The following OSBPL5 variants were observed in gnomAD, a reference collection of about 807,000 sequenced individuals.
The protein encoded by OSBPL5 is oxysterol-binding protein-related protein 5.
Under a neutral mutation model 111.2 loss-of-function variants are expected in OSBPL5, and 71 were observed. The ratio of observed to expected loss-of-function variants is 0.64; its 90% confidence interval spans 0.53 to 0.78. The LOEUF (loss-of-function observed/expected upper bound fraction) is 0.78. Ranked by LOEUF, OSBPL5 falls within the 30% of genes least tolerant of loss-of-function variation. OSBPL5 has a pLI of 0.00. For synonymous variants in OSBPL5, 549 were observed against 513.9 expected (o/e 1.07, Z -0.93); for missense variants, 1,210 against 1,189.3 (o/e 1.02, Z -0.26).
chr11:3,095,310 CAAAA>C (rs60973769), intron 14 of OSBPL5, among the ~76,000 whole-genome samples: 6 of 105,680 alleles, frequency 5.7e-5, no homozygotes, highest in Admixed American at 1.0e-4. Context: ...GACTCTGTCT[CAAAA>C]AAAAAAAAAA....
intron 7 of OSBPL5, among the ~76,000 whole-genome samples, chr11:3,111,611 G>C (rs1422519830): frequency 6.6e-6 from 1 of 152,130 alleles, no homozygotes; most frequent in East Asian, 1.9e-4. Flanking sequence ...TATCTGGCTT[G>C]ATCAAATCTG....
chr11:3,144,912 C>T (rs898199285), intron 1 of OSBPL5, among the ~76,000 whole-genome samples: 1 of 152,244 alleles, frequency 6.6e-6, no homozygotes, highest in Non-Finnish European at 1.5e-5. Context: ...TGTACAGACC[C>T]GGATTCCAAG....
At position 3,154,448 on chromosome 11, in the gene OSBPL5, C is replaced by CG. The variant is rs1031841139; in HGVS notation, c.-22+10767dup. Among the ~76,000 whole-genome samples, 6 of 152,206 alleles carry CG rather than the reference C, an allele frequency of 3.9e-5. No individual in the cohort carries two copies. Among genetic ancestry groups the CG allele is most frequent in the Non-Finnish European group, 7.3e-5 (5 of 68,034 alleles). Reference sequence around the variant, plus strand: ...GCCTGCTGACGCTTCGTTCACCAAGCGGGGGGCCTCTACAGCTCGCCCAGG... The same window carrying CG: ...GCCTGCTGACGCTTCGTTCACCAAGCGGGGGGGCCTCTACAGCTCGCCCAGG... On this transcript the variant is annotated intron_variant, in intron 1 of 21. Coordinates refer to ENST00000263650, the MANE Select transcript of OSBPL5 (RefSeq NM_020896.4). The surrounding 1 kb of genome is among the most constrained non-coding windows in gnomAD (Gnocchi z 4.9).
intron 14 of OSBPL5, among the ~76,000 whole-genome samples, chr11:3,098,694 G>T: frequency 6.6e-6 from 1 of 151,684 alleles, no homozygotes; most frequent in African/African-American, 2.4e-5. Flanking sequence ...TATTAGAGAC[G>T]GAGATTCTCC....
chr11:3,112,063 A>G (rs7483448), intron 7 of OSBPL5, among the ~76,000 whole-genome samples: 2,598 of 26,766 alleles, frequency 0.097, 73 homozygotes, highest in African/African-American at 0.25. Context: ...GTGCATGTGT[A>G]TGTGTGTGTG....
chr11:3,125,816 A>C (rs1329616249), intron 3 of OSBPL5, among the ~76,000 whole-genome samples: 1 of 148,394 alleles, frequency 6.7e-6, no homozygotes, highest in East Asian at 2.0e-4. Context: ...AAAAAAAAAA[A>C]AAAAAAATAC....
In OSBPL5 at chr11:3,122,433, A is replaced by G. The variant is rs1308382675; in HGVS notation, c.220-5T>C. 7.4e-6 allele frequency: 12 copies of G among 1,613,292 alleles called. No individual in the cohort carries two copies. In the East Asian group the frequency reaches 2.7e-4, roughly 36 times the overall value. On this transcript the variant is annotated splice_region_variant and splice_polypyrimidine_tract_variant and intron_variant, in intron 3 of 21. Coordinates refer to ENST00000263650, the MANE Select transcript of OSBPL5 (RefSeq NM_020896.4). Reference sequence around the variant, plus strand: ...GTTGCACAGCCTGTACTCTGCCTGAAAGAGAGAGGTGGGTATGCGGGACAG... The same window carrying G: ...GTTGCACAGCCTGTACTCTGCCTGAGAGAGAGAGGTGGGTATGCGGGACAG...
At position 3,162,370 on chromosome 11, in the gene OSBPL5, CT is replaced by C. The variant is rs1462301121; in HGVS notation, c.-22+2845del. On this transcript the variant is annotated intron_variant, in intron 1 of 21. Transcript: ENST00000263650. This position sits in a 1 kb window ranked among gnomAD's most constrained non-coding sequence, Gnocchi z 8.1. ...AAGGCCCTCTAGGAATTCTGGATCC[CT>C]CTAAGCCAGCCAAGAAGGCTCATGT... Among the ~76,000 whole-genome samples, 5 of 152,032 alleles carry C rather than the reference CT, an allele frequency of 3.3e-5. No homozygotes were observed. Among genetic ancestry groups the C allele is most frequent in the Admixed American group, 2.0e-4 (3 of 15,270 alleles).
intron 7 of OSBPL5, among the ~76,000 whole-genome samples, 176 bp downstream of exon 7, chr11:3,119,371 G>C (rs1487725855): frequency 6.6e-6 from 1 of 152,212 alleles, no homozygotes; most frequent in African/African-American, 2.4e-5. Context: ...CTAGGCATGG[G>C]GGCTCTGTGA....
intron 1 of OSBPL5, among the ~76,000 whole-genome samples, chr11:3,139,325 G>A (rs912219967): frequency 1.3e-5 from 2 of 152,200 alleles, no homozygotes; most frequent in African/African-American, 4.8e-5. Flanking sequence ...CAAGCCTGCT[G>A]GGGTCTGCCA....
chr11:3,124,940 G>C (rs1028472074), intron 3 of OSBPL5, among the ~76,000 whole-genome samples: 2 of 152,190 alleles, frequency 1.3e-5, no homozygotes, highest in Non-Finnish European at 2.9e-5. Flanking sequence ...AGAGAGGCAA[G>C]ACCGCATGGC....
At chr11:3,160,594 C>T (rs1846930106) in intron 1 of OSBPL5, among the ~76,000 whole-genome samples, 1 of 152,210 alleles carries the variant, frequency 6.6e-6, no homozygotes, top group South Asian at 2.1e-4. Context: ...GAAAGGGGCG[C>T]GGAGATGCGG....
intron 3 of OSBPL5, among the ~76,000 whole-genome samples, chr11:3,124,875 C>G (rs1179921417): frequency 6.6e-6 from 1 of 152,184 alleles, no homozygotes; most frequent in Admixed American, 6.5e-5. Context: ...CTCTGCCCAG[C>G]TTCCCACTAG....
intron 2 of OSBPL5, among the ~76,000 whole-genome samples, chr11:3,128,232 A>G (rs7943257): frequency 0.8 from 121,184 of 152,188 alleles, 48,842 homozygotes; most frequent in African/African-American, 0.88. Flanking sequence ...CCCAGGGCAG[A>G]TGAGATGACC....
chr11:3,143,188 G>T (rs1172898883), intron 1 of OSBPL5, among the ~76,000 whole-genome samples: 1 of 123,864 alleles, frequency 8.1e-6, no homozygotes, highest in Admixed American at 7.8e-5. Flanking sequence ...TGCAGAGCCG[G>T]GCAGAGGAGG....
intron 1 of OSBPL5, among the ~76,000 whole-genome samples, chr11:3,143,053 T>G (rs1590712340): frequency 1.9e-5 from 1 of 53,326 alleles, no homozygotes; most frequent in Admixed American, 2.2e-4. Flanking sequence ...AGGAGGCAGG[T>G]GCGGAGCGGG....
Position 3,088,118 on chromosome 11 carries a change from C to G in OSBPL5, c.*87G>C, listed in dbSNP as rs957247112. On this transcript the variant is annotated 3_prime_UTR_variant, in exon 22 of 22. Transcript: ENST00000263650. The stretch of plus-strand genomic sequence containing the variant: ...GTCACAGTGGCTGTGCTTGCCGGGC[C>G]TCTCTGCCTCCATGGAGCAGGCTTA... 7.7e-7 allele frequency: 1 copy of G among 1,299,562 alleles called. No homozygotes were observed. The highest frequency in any genetic ancestry group is 1.5e-5 in the African/African-American group (1 of 66,266). The allele number at this position is 1,299,562 out of a possible 1,614,324, so 80.5% of individuals were successfully genotyped here.
intron 11 of OSBPL5, among the ~76,000 whole-genome samples, chr11:3,102,807 A>G (rs534537440): frequency 2.6e-5 from 4 of 152,272 alleles, no homozygotes; most frequent in Admixed American, 2.0e-4. Context: ...CTACAACGAG[A>G]GCAGCCCTGC....
intron 7 of OSBPL5, 104 bp downstream of exon 7, chr11:3,119,443 A>G (rs957788189): frequency 3.0e-5 from 35 of 1,159,084 alleles, no homozygotes; most frequent in Non-Finnish European, 4.0e-5. Context: ...CCCAGACAGT[A>G]GAAGGGACTG....
Sources: gnomAD v4.1 joint callset for allele counts (sites outside exome capture counted in the v4.1 genomes callset) on GRCh38, gnomAD v4.1.1 for gene constraint, Gnocchi (gnomAD v3.1) non-coding constraint, MANE v1.5 for transcripts, NCBI Gene and HGNC (gene_info 2026-07-23, HGNC 2026-07-21) for gene names.